Variants in PCDHA6 observed in about 807,000 individuals in gnomAD.
The protein encoded by PCDHA6 is protocadherin alpha-6.
Under a neutral mutation model 60.3 loss-of-function variants are expected in PCDHA6, and 55 were observed. The observed-to-expected ratio is 0.91, with a 90% confidence interval of 0.73 to 1.14. The LOEUF is 1.14. PCDHA6 is among the 50% of genes most tolerant of loss of function. PCDHA6 has a pLI of 0.00. For missense variants in PCDHA6, 1,327 were observed against 1,256.5 expected (o/e 1.06, Z -0.85); for synonymous variants, 652 against 557.9 (o/e 1.17, Z -2.38).
chr5:140,886,565 C>T (rs1298575680), intron 1 of PCDHA6, among the ~76,000 whole-genome samples: 1 of 152,100 alleles, frequency 6.6e-6, no homozygotes, highest in Admixed American at 6.5e-5. Flanking sequence ...CGGTGGCTCA[C>T]GCCTGTAATC....
At chr5:140,929,508 A>T in intron 1 of PCDHA6, 1 of 831,408 alleles carries the variant, frequency 1.2e-6, no homozygotes, top group Non-Finnish European at 1.7e-6. Context: ...CCTAGGCCTC[A>T]AGGGACTTAT....
intron 1 of PCDHA6, among the ~76,000 whole-genome samples, chr5:140,959,621 A>G (rs1198133284): frequency 6.6e-6 from 1 of 152,152 alleles, no homozygotes; most frequent in African/African-American, 2.4e-5. Flanking sequence ...CTTGTGATAG[A>G]AAAAAAGAGA....
intron 1 of PCDHA6, chr5:140,848,856 G>T: frequency 1.3e-6 from 2 of 1,590,682 alleles, no homozygotes; most frequent in South Asian, 2.2e-5. Context: ...CCATGTGGAC[G>T]TGGAGGTGAA....
intron 1 of PCDHA6, among the ~76,000 whole-genome samples, chr5:140,918,920 G>A (rs1470075085): frequency 6.6e-6 from 1 of 152,204 alleles, no homozygotes; most frequent in Non-Finnish European, 1.5e-5. Context: ...TAACTACACA[G>A]CATATGGCAT....
chr5:140,883,642 C>G (rs200197885), intron 1 of PCDHA6: 55 of 1,613,904 alleles, frequency 3.4e-5, no homozygotes, highest in East Asian at 2.0e-4. Flanking sequence ...TCGCGCAGCC[C>G]GAGTACACGG....
At chr5:140,967,944 A>G (rs782135204) in intron 1 of PCDHA6, 4 of 1,613,970 alleles carry the variant, frequency 2.5e-6, no homozygotes. Flanking sequence ...AATGACCAAG[A>G]CTCAGGCCCC....
chr5:140,882,656 C>T, intron 1 of PCDHA6: 1 of 1,614,192 alleles, frequency 6.2e-7, no homozygotes, highest in Non-Finnish European at 8.5e-7. Flanking sequence ...TAACGACAAC[C>T]CGCCCATATT....
At chr5:140,942,422 G>C (rs1445298712) in intron 1 of PCDHA6, among the ~76,000 whole-genome samples, 3 of 150,866 alleles carry the variant, frequency 2.0e-5, no homozygotes, top group Non-Finnish European at 4.4e-5. Context: ...AAAAAAAAAA[G>C]ATATCTAACA....
intron 1 of PCDHA6, among the ~76,000 whole-genome samples, chr5:140,969,673 G>A (rs1226601717): frequency 3.3e-5 from 5 of 152,170 alleles, no homozygotes; most frequent in African/African-American, 9.7e-5. Flanking sequence ...AATGTTATGA[G>A]ACTCAAGGAG....
At chr5:140,968,464 C>T (rs1554230763) in intron 1 of PCDHA6, 4 of 1,613,996 alleles carry the variant, frequency 2.5e-6, no homozygotes, top group Admixed American at 1.7e-5. Flanking sequence ...TGACTGCCAA[C>T]GTATATGTGG....
rs1364118007 is a variant in PCDHA6 at position 140,899,089 on chromosome 5, G to T, written c.2394+68604G>T. Among the ~76,000 whole-genome samples the T allele has an allele frequency of 5.3e-5, 8 of 152,134 alleles. No individual in the cohort carries two copies. The East Asian group carries it at 1.5e-3, about 29-fold the overall frequency. On this transcript the variant is annotated intron_variant, in intron 1 of 3. Coordinates refer to ENST00000529310, the MANE Select transcript of PCDHA6 (RefSeq NM_018909.4). ...TGCTTATCAGCTTAAGGAGATTTTG[G>T]GCTGAGATAATGGGGTTTTCTAGAT...
chr5:140,874,745 A>G (rs2055087824), intron 1 of PCDHA6, among the ~76,000 whole-genome samples: 2 of 152,242 alleles, frequency 1.3e-5, no homozygotes, highest in African/African-American at 4.8e-5. Flanking sequence ...GCATCAAGGA[A>G]CCAAACAATA....
chr5:140,976,702 A>G (rs782610534), intron 1 of PCDHA6, among the ~76,000 whole-genome samples: 2 of 152,220 alleles, frequency 1.3e-5, no homozygotes, highest in Non-Finnish European at 2.9e-5. Context: ...AATAATGTTG[A>G]CTTTGCATTA....
chr5:140,828,497 G>T lies in PCDHA6; in HGVS notation c.406G>T (p.Glu136Ter), dbSNP rs1465778888. The T allele has an allele frequency of 6.2e-7, 1 of 1,614,134 alleles. No individual in the cohort carries two copies. The highest frequency in any genetic ancestry group is 1.3e-5 in the African/African-American group (1 of 74,940). The change falls in exon 1 of 4, where the codon GAG (glutamate) becomes TAG (stop). Residue 136 changes from glutamate (E) to a stop codon, truncating the protein, a stop_gained. Coordinates refer to ENST00000529310, the MANE Select transcript of PCDHA6 (RefSeq NM_018909.4). LOFTEE classifies it high-confidence loss of function. ...CGACAACCCGCCCTTGTTCCCGGTA[G>T]AGGAACAAAGAGTGCTGATTTACGA... is the stretch of plus-strand genomic sequence containing the variant. ...INDNPPLFPV[E>*]EQRVLIYESR...
At position 140,841,776 on chromosome 5, in the gene PCDHA6, T is replaced by G. The variant is rs2150322536; in HGVS notation, c.2394+11291T>G. 1 of 1,613,906 alleles carries G rather than the reference T, an allele frequency of 6.2e-7. No homozygotes were observed. The highest frequency in any genetic ancestry group is 1.1e-5 in the South Asian group (1 of 91,076). On this transcript the variant is annotated intron_variant, in intron 1 of 3. Coordinates refer to ENST00000529310, the MANE Select transcript of PCDHA6 (RefSeq NM_018909.4). ...GAATCCAGAATGCCAGACTCTCGGTTTCCGCTAGAGGGCGCGTCCGATGCA... is the reference window on the plus strand; with the variant it reads ...GAATCCAGAATGCCAGACTCTCGGTGTCCGCTAGAGGGCGCGTCCGATGCA...
intron 1 of PCDHA6, chr5:140,882,620 C>T: frequency 6.2e-7 from 1 of 1,614,220 alleles, no homozygotes; most frequent in Non-Finnish European, 8.5e-7. Flanking sequence ...GCAGGTTTTC[C>T]ATGTGGAGGT....
chr5:141,007,395 C>CAAAAAAA (rs35800918), intron 3 of PCDHA6, among the ~76,000 whole-genome samples: 1,149 of 94,062 alleles, frequency 0.012, no homozygotes, highest in African/African-American at 0.016. Flanking sequence ...TACTAAAATA[C>CAAAAAAA]AAAAAAAAAA....
At chr5:140,865,558 T>C (rs991717581) in intron 1 of PCDHA6, 1 of 152,224 alleles carries the variant, frequency 6.6e-6, no homozygotes, top group Non-Finnish European at 1.5e-5. Flanking sequence ...AGAGCCAATA[T>C]TGATCAGTAA....
At chr5:140,909,854 C>T (rs756812618) in intron 1 of PCDHA6, among the ~76,000 whole-genome samples, 8 of 152,186 alleles carry the variant, frequency 5.3e-5, no homozygotes, top group Non-Finnish European at 1.2e-4. Flanking sequence ...CGTTTTCGGT[C>T]CCCTGGAGTC....
Sources: allele counts gnomAD v4.1 joint callset (sites outside exome capture counted in the v4.1 genomes callset), GRCh38; gene constraint gnomAD v4.1.1; transcripts MANE v1.5; gene names NCBI Gene and HGNC (gene_info 2026-07-23, HGNC 2026-07-21).